GPR84: variants seen among roughly 807,000 people sequenced by gnomAD.
GPR84 encodes the protein G-protein coupled receptor 84.
A neutral mutation model predicts 14.9 loss-of-function variants in GPR84; 8 were observed. The ratio of observed to expected loss-of-function variants is 0.54; its 90% CI spans 0.31 to 0.97. GPR84 has a LOEUF of 0.97. Ranked by LOEUF, GPR84 falls within the 50% of genes least tolerant of loss-of-function variation. The pLI, the probability that GPR84 is intolerant of heterozygous loss-of-function variation, is 0.04. For missense variants in GPR84, 424 were observed against 498.7 expected (o/e 0.85, Z 1.43); for synonymous variants, 164 against 198.1 (o/e 0.83, Z 1.45).
At position 54,363,209 on chromosome 12, in the gene GPR84, A is replaced by G. The variant is rs1420473480; in HGVS notation, c.643T>C (p.Tyr215His). The G allele has an allele frequency of 2.5e-6, 4 of 1,614,158 alleles. No homozygotes were observed. The highest frequency in any genetic ancestry group is 3.4e-6 in the Non-Finnish European group (4 of 1,180,034). The change falls in exon 2 of 2, where the codon TAC becomes CAC. Residue 215 changes from tyrosine to histidine, a missense_variant. Transcript: ENST00000267015. ...TGGATGCTTGCCTGTCGCAACTTGT[A>G]TTGGTCCAGTGCCTGTGCTGCTCGT... is the stretch of plus-strand genomic sequence containing the variant. ...VKRAAQALDQYKLRQASIHSN... is the reference protein window; with the variant it reads ...VKRAAQALDQHKLRQASIHSN...
chr12:54,355,067 G>A, the GPR84 span, among the ~76,000 whole-genome samples: 2 of 152,094 alleles, frequency 1.3e-5, no homozygotes, highest in Admixed American at 6.5e-5. Context: ...GGGGAGGGGC[G>A]AGAGGGAGAC....
At chr12:54,360,237 C>T (rs1273329896), downstream of GPR84, among the ~76,000 whole-genome samples, 1 of 152,040 alleles carries the variant, frequency 6.6e-6, no homozygotes, top group Non-Finnish European at 1.5e-5. Context: ...ATTACTTAAC[C>T]TATTTGTGCT....
chr12:54,361,463 C>T (rs549584117), downstream of GPR84, among the ~76,000 whole-genome samples: 11 of 152,034 alleles, frequency 7.2e-5, no homozygotes, highest in East Asian at 1.9e-4. This position sits in a 1 kb window ranked among gnomAD's most constrained non-coding sequence, Gnocchi z 4.3. Context: ...CTCCACCTCC[C>T]GGGTTCAAGC....
At chr12:54,358,045 G>A (rs1209270743), downstream of GPR84, among the ~76,000 whole-genome samples, 1 of 152,142 alleles carries the variant, frequency 6.6e-6, no homozygotes, top group Non-Finnish European at 1.5e-5. Flanking sequence ...GAGGGAATGT[G>A]TGGGTGGGGC....
At chr12:54,355,839 C>CGGGAGGCT in the GPR84 span, among the ~76,000 whole-genome samples, 1 of 152,120 alleles carries the variant, frequency 6.6e-6, no homozygotes, top group Non-Finnish European at 1.5e-5. Context: ...GGCCGGATGC[C>CGGGAGGCT]GGGAGGCTGG....
At chr12:54,355,947 A>T in the GPR84 span, among the ~76,000 whole-genome samples, 1 of 152,212 alleles carries the variant, frequency 6.6e-6, no homozygotes, top group African/African-American at 2.4e-5. Flanking sequence ...AGAGAAGAGT[A>T]TGACCCTGAG....
chr12:54,361,880 C>T (rs1407303002), downstream of GPR84, among the ~76,000 whole-genome samples: 2 of 152,218 alleles, frequency 1.3e-5, no homozygotes, highest in African/African-American at 4.8e-5. The surrounding 1 kb of genome is among the most constrained non-coding windows in gnomAD (Gnocchi z 4.3). Flanking sequence ...GTGAATTAGC[C>T]CCATGGGCAG....
chr12:54,352,653 G>T, the GPR84 span, among the ~76,000 whole-genome samples: 9 of 152,278 alleles, frequency 5.9e-5, no homozygotes, highest in Non-Finnish European at 1.0e-4. Context: ...GGGAAAGGAT[G>T]GGGGAAGGAA....
At position 54,363,410 on chromosome 12, in the gene GPR84, CCA is replaced by C; in HGVS notation, c.440_441del (p.Val147GlyfsTer24). 6.2e-7 allele frequency: 1 copy of C among 1,614,058 alleles called. No homozygotes were observed. Among genetic ancestry groups the C allele is most frequent in the Non-Finnish European group, 8.5e-7 (1 of 1,179,958 alleles). ...IVLALVSTWVVGVASFAPLWP... is the reference protein window; with the variant it reads ...IVLALVSTWVXGVASFAPLWP... ...CAGAGGGGAGCAAAGCTGGCCACGC[CCA>C]CAACCCAGGTGCTCACCAGTGCCAG... On this transcript the variant is annotated frameshift_variant, in exon 2 of 2. Coordinates refer to ENST00000267015, the MANE Select transcript of GPR84 (RefSeq NM_020370.3). LOFTEE classifies it high-confidence loss of function.
chr12:54,359,255 TA>T (rs1287072131), downstream of GPR84, among the ~76,000 whole-genome samples: 1 of 152,100 alleles, frequency 6.6e-6, no homozygotes, highest in African/African-American at 2.4e-5. Flanking sequence ...GAGTGACTCG[TA>T]AATCGGCCTG....
downstream of GPR84, among the ~76,000 whole-genome samples, chr12:54,361,245 G>T (rs1373074892): frequency 6.6e-6 from 1 of 151,904 alleles, no homozygotes; most frequent in East Asian, 1.9e-4. The surrounding 1 kb of genome is among the most constrained non-coding windows in gnomAD (Gnocchi z 4.3). Flanking sequence ...GCAGTGGCGC[G>T]ATCTCGGTTC....
chr12:54,350,711 T>A, the GPR84 span: 3 of 607,402 alleles, frequency 4.9e-6, no homozygotes, highest in African/African-American at 5.5e-5. Context: ...TTCATTCTTC[T>A]TGCAGTTCTG....
At chr12:54,360,789 A>G (rs962661870), downstream of GPR84, among the ~76,000 whole-genome samples, 2 of 152,216 alleles carry the variant, frequency 1.3e-5, no homozygotes, top group African/African-American at 4.8e-5. Context: ...AGCATGACTC[A>G]CATTCCATCC....
chr12:54,363,301 C>T lies in GPR84; in HGVS notation c.551G>A (p.Gly184Asp). 1 of 1,614,116 alleles carries T rather than the reference C, an allele frequency of 6.2e-7. No homozygotes were observed. The highest frequency in any genetic ancestry group is 1.7e-5 in the Admixed American group (1 of 60,018). ...RGRPYTTILMGIYFVLGLSSV... is the reference protein window; with the variant it reads ...RGRPYTTILMDIYFVLGLSSV... ...GCTGAGCCCAAGCACAAAGTAGATG[C>T]CCATGAGGATGGTGGTGTAAGGCCG... The change falls in exon 2 of 2, where the codon GGC becomes GAC. Residue 184 changes from glycine (G) to aspartate (D), a missense_variant. Physicochemically the swap from Gly to Asp is moderately conservative, Grantham distance 94. Coordinates refer to ENST00000267015, the MANE Select transcript of GPR84 (RefSeq NM_020370.3).
At chr12:54,364,179 C>G (rs1288487018) in intron 1 of GPR84, 2 of 213,242 alleles carry the variant, frequency 9.4e-6, no homozygotes, top group Non-Finnish European at 1.9e-5. Context: ...AACCCAGTGC[C>G]CTCCAACTTT....
downstream of GPR84, among the ~76,000 whole-genome samples, chr12:54,359,739 C>A (rs569672831): frequency 3.4e-4 from 51 of 152,180 alleles, no homozygotes; most frequent in Non-Finnish European, 6.5e-4. Context: ...TGGCCTCACT[C>A]GCCAAGCACA....
downstream of GPR84, among the ~76,000 whole-genome samples, chr12:54,358,834 G>A (rs1268936304): frequency 6.6e-6 from 1 of 151,470 alleles, no homozygotes. Flanking sequence ...CTTTCTTTCT[G>A]TCATCCTTTT....
At position 54,363,235 on chromosome 12, in the gene GPR84, T is replaced by C; in HGVS notation, c.617A>G (p.Lys206Arg). 1 of 1,614,194 alleles carries C rather than the reference T, an allele frequency of 6.2e-7. No individual in the cohort carries two copies. The highest frequency in any genetic ancestry group is 8.5e-7 in the Non-Finnish European group (1 of 1,180,026). The part of the protein sequence containing the change: ...IFYCLIHRQV[K>R]RAAQALDQYK... ...TTGGTCCAGTGCCTGTGCTGCTCGT[T>C]TGACCTGGCGGTGGATGAGGCAATA... Residue 206 changes from lysine to arginine, a missense_variant, in exon 2 of 2, where the codon AAA (lysine) becomes AGA (arginine). Lys to Arg is a conservative substitution (Grantham distance 26, BLOSUM62 2). Transcript: ENST00000267015.
At chr12:54,355,110 A>G in the GPR84 span, among the ~76,000 whole-genome samples, 2 of 152,180 alleles carry the variant, frequency 1.3e-5, no homozygotes, top group South Asian at 2.1e-4. Context: ...TGAGAGAGAA[A>G]AAGTGATTGA....
Sources: allele counts gnomAD v4.1 joint callset (sites outside exome capture counted in the v4.1 genomes callset), GRCh38; gene constraint gnomAD v4.1.1; non-coding constraint Gnocchi (gnomAD v3.1); transcripts MANE v1.5; gene names NCBI Gene and HGNC (gene_info 2026-07-23, HGNC 2026-07-21).